Variants in NCOR2 observed in about 807,000 individuals in gnomAD.
NCOR2 encodes the protein nuclear receptor corepressor 2.
A neutral mutation model predicts 262.9 loss-of-function variants in NCOR2; 81 were observed. That is an observed-to-expected ratio of 0.31 (90% confidence interval 0.26 to 0.37). The LOEUF (loss-of-function observed/expected upper bound fraction) is 0.37. Ranked by LOEUF, NCOR2 falls within the 10% of genes least tolerant of loss-of-function variation. NCOR2 has a pLI of 1.00. For missense variants in NCOR2, 3,385 were observed against 3,621.4 expected (o/e 0.93, Z 1.68); for synonymous variants, 1,659 against 1,559.3 (o/e 1.06, Z -1.51).
chr12:124,510,958 C>G (rs1020667045), intron 1 of NCOR2, among the ~76,000 whole-genome samples: 2 of 152,266 alleles, frequency 1.3e-5, no homozygotes, highest in African/African-American at 4.8e-5. Context: ...TTCCTCTCCC[C>G]CCACAGCCCC....
In NCOR2 at chr12:124,426,344, G is replaced by A. The variant is rs1044842101; in HGVS notation, c.1328+278C>T. ...CATGTGGGGTCGAAGGCAGAGCATGGAAGGATGCATCTAGAAGCCCCGGAA... is the reference window on the plus strand; with the variant it reads ...CATGTGGGGTCGAAGGCAGAGCATGAAAGGATGCATCTAGAAGCCCCGGAA... On this transcript the variant is annotated intron_variant, in intron 11 of 46. Transcript: ENST00000405201. Among the ~76,000 whole-genome samples, 6 of 152,344 alleles carry A rather than the reference G, an allele frequency of 3.9e-5. No individual in the cohort carries two copies. In the East Asian group the frequency reaches 1.2e-3, roughly 29 times the overall value.
At chr12:124,349,304 C>T (rs1156594207) in intron 28 of NCOR2, among the ~76,000 whole-genome samples, 2 of 152,158 alleles carry the variant, frequency 1.3e-5, no homozygotes. Flanking sequence ...CAGAAATGAG[C>T]CCCGGGAGCC....
chr12:124,479,382 C>A lies in NCOR2; in HGVS notation c.411+4214G>T, dbSNP rs979230622. Among the ~76,000 whole-genome samples, 21 of 152,148 alleles carry A rather than the reference C, an allele frequency of 1.4e-4. 1 individual carries two copies. Among genetic ancestry groups the A allele is most frequent in the Admixed American group, 9.2e-4 (14 of 15,298 alleles). On this transcript the variant is annotated intron_variant, in intron 3 of 46. Transcript: ENST00000405201. ...ACACATGCACACTCACGCACACACA[C>A]AAACACGCATGGACACACGCACGCA...
chr12:124,491,533 A>T (rs2048082680), intron 1 of NCOR2, among the ~76,000 whole-genome samples: 1 of 152,230 alleles, frequency 6.6e-6, no homozygotes, highest in Non-Finnish European at 1.5e-5. Context: ...AGAGAGGTTA[A>T]GTAACTTGCC....
chr12:124,388,585 G>C lies in NCOR2; in HGVS notation c.1877-2698C>G, dbSNP rs573756470. On this transcript the variant is annotated intron_variant, in intron 16 of 46. Transcript: ENST00000405201. ...ATCCACTCCAGGGGCCCAGAACTCC[G>C]ACTCCCCAGCTGCCCAGCCTCAAAT... 1.3e-5 allele frequency: 16 copies of C among 1,218,462 alleles called. No individual in the cohort carries two copies. The African/African-American group carries it at 2.3e-4, about 18-fold the overall frequency. The allele number at this position is 1,218,462 out of a possible 1,614,324, so 75.5% of individuals were successfully genotyped here.
chr12:124,339,219 A>ACCACCCCCCCCCCCCCCCCCCC (rs1566363037), intron 37 of NCOR2, among the ~76,000 whole-genome samples: 1 of 63,344 alleles, frequency 1.6e-5, no homozygotes, highest in Admixed American at 2.0e-4. Flanking sequence ...TCTACCTACC[A>ACCACCCCCCCCCCCCCCCCCCC]CCCACCCACC....
rs755371476 is a variant in NCOR2 at position 124,335,625 on chromosome 12, G to A, written c.6123C>T (p.His2041=). Residue 2041 remains histidine, a synonymous_variant, in exon 39 of 47, where the codon CAC becomes CAT. Coordinates refer to ENST00000405201, the Ensembl canonical transcript of NCOR2. ...CCCCTTCGGGGCTGTAGCTGCTGCC[G>A]TGGTAACCTAGGGCAGGCGGGGGGT... The A allele has an allele frequency of 1.4e-5, 23 of 1,600,678 alleles. 1 individual carries two copies. Among genetic ancestry groups the A allele is most frequent in the South Asian group, 7.7e-5 (7 of 90,816 alleles).
upstream of NCOR2, among the ~76,000 whole-genome samples, chr12:124,499,371 C>T (rs145688685): frequency 1.2e-4 from 18 of 152,364 alleles, no homozygotes; most frequent in South Asian, 1.9e-3. Flanking sequence ...TGCTGAGCCC[C>T]GGGCTAGTGC....
intron 1 of NCOR2, among the ~76,000 whole-genome samples, chr12:124,489,325 A>G (rs912294354): frequency 1.3e-5 from 2 of 152,202 alleles, no homozygotes; most frequent in African/African-American, 4.8e-5. Context: ...CTCTAAATAT[A>G]TTAGTTAATT....
Position 124,350,752 on chromosome 12 carries a change from G to C in NCOR2, c.3694-15C>G, listed in dbSNP as rs2037377816. 6.2e-7 allele frequency: 1 copy of C among 1,606,214 alleles called. No homozygotes were observed. The highest frequency in any genetic ancestry group is 8.5e-7 in the Non-Finnish European group (1 of 1,178,518). On this transcript the variant is annotated splice_polypyrimidine_tract_variant and intron_variant, in intron 27 of 46. Coordinates refer to ENST00000405201, the Ensembl canonical transcript of NCOR2. ...GCTGGCGTGCCCTGCAGGTGCAGAG[G>C]GGTGAGCGCCCAGGAGGCTGCAGCC...
chr12:124,518,236 C>CAGCG (rs903913714), intron 1 of NCOR2: 1 of 152,730 alleles, frequency 6.5e-6, no homozygotes, highest in Non-Finnish European at 1.5e-5. Context: ...AAGTGCCAGC[C>CAGCG]AGCGGGCCAG....
intron 13 of NCOR2, among the ~76,000 whole-genome samples, chr12:124,413,320 A>G (rs2042689268): frequency 6.6e-6 from 1 of 152,208 alleles, no homozygotes; most frequent in African/African-American, 2.4e-5. Context: ...GAGATGGGCC[A>G]GGCGCGGCTG....
chr12:124,379,749 T>G (rs925981795), intron 17 of NCOR2, among the ~76,000 whole-genome samples: 5 of 152,162 alleles, frequency 3.3e-5, no homozygotes, highest in Admixed American at 2.6e-4. Flanking sequence ...ATCCTGCATA[T>G]GTCATTAGTT....
rs2050273445 is a variant in NCOR2, at chr12:124,523,056, C to G, written c.-118+12509G>C. Among the ~76,000 whole-genome samples, 1 of 152,216 alleles carries G rather than the reference C, an allele frequency of 6.6e-6. No individual in the cohort carries two copies. On this transcript the variant is annotated intron_variant, in intron 1 of 46. Transcript: ENST00000404621. This position sits in a 1 kb window ranked among gnomAD's most constrained non-coding sequence, Gnocchi z 4.0. Reference sequence around the variant, plus strand: ...GACACTCCCCAGACCAAAATGCATCCTATTTCCCCATCCAGGCCCGGGATT... The same window carrying G: ...GACACTCCCCAGACCAAAATGCATCGTATTTCCCCATCCAGGCCCGGGATT...
At chr12:124,325,793 G>A (rs1006925167) in intron 46 of NCOR2, among the ~76,000 whole-genome samples, 4 of 152,138 alleles carry the variant, frequency 2.6e-5, no homozygotes, top group African/African-American at 7.2e-5. Flanking sequence ...GCTGTCTTTT[G>A]CCTGGACTAT....
intron 1 of NCOR2, among the ~76,000 whole-genome samples, chr12:124,520,488 G>A (rs1013195227): frequency 9.2e-5 from 14 of 152,122 alleles, no homozygotes; most frequent in African/African-American, 1.7e-4. Context: ...TGGAATCCAC[G>A]GTAACTCCTC....
Position 124,438,135 on chromosome 12 carries a change from AT to A in NCOR2, c.816-140del, listed in dbSNP as rs1201237762. ...GGGAGATGAGACCCACCCGTGCTGT[AT>A]CCCCAGAGAGACCTGTGAGCTGCCA... On this transcript the variant is annotated intron_variant, in intron 7 of 46. Transcript: ENST00000405201. 1.2e-5 allele frequency: 9 copies of A among 740,908 alleles called. No homozygotes were observed. The African/African-American group carries it at 1.2e-4, about 10-fold the overall frequency. The allele number at this position is 740,908 out of a possible 1,614,324, so 45.9% of individuals were successfully genotyped here. A position where few individuals can be genotyped will look rare whatever the true frequency, so the allele number is the denominator to read the frequency against.
At chr12:124,499,734 C>G (rs1566000164), upstream of NCOR2, among the ~76,000 whole-genome samples, 1 of 152,092 alleles carries the variant, frequency 6.6e-6, no homozygotes, top group African/African-American at 2.4e-5. Flanking sequence ...CCCCATGGGC[C>G]CGGGTAAGGA....
intron 22 of NCOR2, 45 bp from the exon 25 acceptor site, chr12:124,356,827 AGTCAGACCTCGG>A: frequency 2.1e-6 from 3 of 1,433,770 alleles, no homozygotes; most frequent in Middle Eastern, 3.6e-4. Context: ...GAGGTGGGGC[AGTCAGACCTCGG>A]GAGCCCTGGC....
Sources: allele counts gnomAD v4.1 joint callset (sites outside exome capture counted in the v4.1 genomes callset), GRCh38; gene constraint gnomAD v4.1.1; non-coding constraint Gnocchi (gnomAD v3.1); transcripts MANE v1.5; gene names NCBI Gene and HGNC (gene_info 2026-07-23, HGNC 2026-07-21).